The following ARMC9 variants were observed in gnomAD, a reference collection of about 807,000 sequenced individuals.
The protein encoded by ARMC9 is armadillo repeat containing 9.
ARMC9 carries 94 observed loss-of-function variants against 107.0 expected under a neutral mutation model. The observed-to-expected ratio is 0.88, with a 90% CI of 0.74 to 1.04. The LOEUF (loss-of-function observed/expected upper bound fraction) is 1.04, where lower values mean the gene tolerates loss of function less well. Ranked by LOEUF, ARMC9 falls within the 50% of genes least tolerant of loss-of-function variation. The pLI is 0.00. For missense variants in ARMC9, 942 were observed against 1,030.1 expected (o/e 0.91, Z 1.17); for synonymous variants, 380 against 396.9 (o/e 0.96, Z 0.51).
At chr2:231,368,703 C>T (rs1042383862) in intron 23 of ARMC9, among the ~76,000 whole-genome samples, 2 of 152,352 alleles carry the variant, frequency 1.3e-5, no homozygotes, top group South Asian at 4.1e-4. Flanking sequence ...AAGCTCACTG[C>T]AGCCTTGACC....
chr2:231,204,176 G>GAAAAA (rs5839392), intron 1 of ARMC9, among the ~76,000 whole-genome samples: 1 of 98,306 alleles, frequency 1.0e-5, no homozygotes, highest in Non-Finnish European at 2.1e-5. Flanking sequence ...TCTGTCTCAG[G>GAAAAA]AAAAAAAAAA....
chr2:231,249,619 A>C (rs535775622), intron 9 of ARMC9, among the ~76,000 whole-genome samples: 1 of 152,084 alleles, frequency 6.6e-6, no homozygotes, highest in Non-Finnish European at 1.5e-5. Context: ...AGCTTGGCTT[A>C]GGTAGGCATT....
In ARMC9 at chr2:231,242,453, G is replaced by A. The variant is rs560965101; in HGVS notation, c.879+2412G>A. Among the ~76,000 whole-genome samples, 26 of 152,222 alleles carry A rather than the reference G, an allele frequency of 1.7e-4. 1 individual carries two copies. In the South Asian group the frequency reaches 5.2e-3, roughly 30 times the overall value. On this transcript the variant is annotated intron_variant, in intron 9 of 24. Coordinates refer to ENST00000611582, the MANE Select transcript of ARMC9 (RefSeq NM_001352754.2). ...CTTAGAGAATCAGCCATTTTTAAAA[G>A]GTCAGTAAAGTCACCATTGGATATG... is the stretch of plus-strand genomic sequence containing the variant.
In ARMC9 at chr2:231,212,606, T is replaced by A. The variant is rs182649298; in HGVS notation, c.178-2225T>A. On this transcript the variant is annotated intron_variant, in intron 3 of 24. Coordinates refer to ENST00000611582, the MANE Select transcript of ARMC9 (RefSeq NM_001352754.2). ...GGCCCCCTCAGGAATGGGCACTGGG[T>A]TTGCTTGGGACCTTGGCAGAGGCAA... 3.0e-4 allele frequency among the ~76,000 whole-genome samples: 45 copies of A among 152,348 alleles called. No homozygotes were observed. In the East Asian group the frequency reaches 7.5e-3, roughly 25 times the overall value.
intron 3 of ARMC9, among the ~76,000 whole-genome samples, chr2:231,214,345 C>T (rs1198503292): frequency 6.6e-6 from 1 of 152,206 alleles, no homozygotes; most frequent in African/African-American, 2.4e-5. Flanking sequence ...ATCTCCTAGG[C>T]CCAGGATTGA....
chr2:231,376,223 G>A lies in ARMC9; in HGVS notation c.*4688G>A, dbSNP rs2046192526. ...ATGAAATCTGAGCACCTTGAAAAAA[G>A]AACAGGGTAACAGCAATTGTTCAGG... On this transcript the variant is annotated 3_prime_UTR_variant, in exon 25 of 25. Transcript: ENST00000611582. 6.6e-6 allele frequency among the ~76,000 whole-genome samples: 1 copy of A among 152,162 alleles called. No individual in the cohort carries two copies.
chr2:231,308,521 G>A (rs1475038777), intron 19 of ARMC9, among the ~76,000 whole-genome samples: 1 of 152,108 alleles, frequency 6.6e-6, no homozygotes, highest in African/African-American at 2.4e-5. Flanking sequence ...ACCAAAGGCT[G>A]GTAACCTTGG....
At chr2:231,248,833 A>AAG (rs1189483942) in intron 9 of ARMC9, among the ~76,000 whole-genome samples, 2 of 145,156 alleles carry the variant, frequency 1.4e-5, no homozygotes, top group African/African-American at 5.1e-5. Flanking sequence ...AAAAAAAAAA[A>AAG]GCTGGCCATA....
chr2:231,250,347 C>T (rs1002000459), intron 9 of ARMC9, among the ~76,000 whole-genome samples: 1 of 152,112 alleles, frequency 6.6e-6, no homozygotes, highest in Non-Finnish European at 1.5e-5. Flanking sequence ...CATTCTTGGC[C>T]GTCCTCCATT....
rs1004866000 is a variant in ARMC9, at chr2:231,235,306, G to C, written c.705G>C (p.Gln235His). The C allele has an allele frequency of 1.2e-6, 2 of 1,614,116 alleles. No individual in the cohort carries two copies. Among genetic ancestry groups the C allele is most frequent in the African/African-American group, 2.7e-5 (2 of 74,942 alleles). ...VTYLKRYNKI[Q>H]ADYHNLIGVT... ...ACCTCAAACGGTACAATAAGATCCA[G>C]GCCGACTACCACAATCTCATTGGAG... Residue 235 changes from glutamine (Q) to histidine (H), a missense_variant, in exon 8 of 25, where the codon CAG becomes CAC. Physicochemically the swap from Gln to His is conservative, Grantham distance 24 (BLOSUM62 0). Transcript: ENST00000611582.
chr2:231,275,516 G>T (rs1241033640), intron 14 of ARMC9, among the ~76,000 whole-genome samples: 1 of 152,146 alleles, frequency 6.6e-6, no homozygotes, highest in African/African-American at 2.4e-5. Context: ...CTTATAATTT[G>T]CATTAACCAG....
At chr2:231,356,049 C>A in intron 22 of ARMC9, 115 bp downstream of exon 22, 1 of 1,325,580 alleles carries the variant, frequency 7.5e-7, no homozygotes, top group Non-Finnish European at 1.0e-6. Context: ...CCTCTGGTCT[C>A]AGCAACAGCC....
chr2:231,216,777 T>A lies in ARMC9; in HGVS notation c.488T>A (p.Phe163Tyr), dbSNP rs1157757818. The A allele has an allele frequency of 7.4e-6, 12 of 1,612,636 alleles. No individual in the cohort carries two copies. In the Admixed American group the frequency reaches 1.7e-4, roughly 23 times the overall value. ...CCCAACCCTATGGTGCACCCCTCATTTAAAGAACTCTTCCAGGTAAATGTC... is the reference window on the plus strand; with the variant it reads ...CCCAACCCTATGGTGCACCCCTCATATAAAGAACTCTTCCAGGTAAATGTC... ...FVPNPMVHPS[F>Y]KELFQDSWTP... Residue 163 changes from phenylalanine (F) to tyrosine (Y), a missense_variant, in exon 5 of 25, where the codon TTT (phenylalanine) becomes TAT (tyrosine). Phe to Tyr is a conservative substitution (Grantham distance 22, BLOSUM62 3). Transcript: ENST00000611582.
At chr2:231,371,254 G>C (rs2046009211) in intron 24 of ARMC9, among the ~76,000 whole-genome samples, 1 of 152,248 alleles carries the variant, frequency 6.6e-6, no homozygotes, top group Admixed American at 6.5e-5. Flanking sequence ...AGCCAGCCAT[G>C]GGCGTTGTGT....
At chr2:231,302,437 G>GTTTTTTTTTTTTTTTTTTTTTT (rs56032700) in intron 19 of ARMC9, among the ~76,000 whole-genome samples, 1 of 58,072 alleles carries the variant, frequency 1.7e-5, no homozygotes, top group Non-Finnish European at 3.3e-5. Flanking sequence ...TTGTGGGTTT[G>GTTTTTTTTTTTTTTTTTTTTTT]TTTTTTTTTT....
chr2:231,296,742 A>G (rs1466391814), intron 19 of ARMC9, among the ~76,000 whole-genome samples: 1 of 152,160 alleles, frequency 6.6e-6, no homozygotes, highest in African/African-American at 2.4e-5. Flanking sequence ...TGAAAAATCT[A>G]CTTGCCTGGT....
intron 8 of ARMC9, among the ~76,000 whole-genome samples, chr2:231,238,817 A>G (rs899716225): frequency 3.3e-5 from 5 of 152,250 alleles, no homozygotes; most frequent in Non-Finnish European, 7.3e-5. Context: ...CCTCTGCCAC[A>G]GGATGGACAG....
At chr2:231,351,557 T>C (rs2045082570) in intron 21 of ARMC9, among the ~76,000 whole-genome samples, 1 of 152,154 alleles carries the variant, frequency 6.6e-6, no homozygotes, top group Non-Finnish European at 1.5e-5. Context: ...TTACATTTAG[T>C]ATAGTTTTTT....
intron 17 of ARMC9, among the ~76,000 whole-genome samples, chr2:231,282,920 T>C (rs190242936): frequency 2.7e-4 from 41 of 152,300 alleles, no homozygotes; most frequent in African/African-American, 9.1e-4. Context: ...TTCTGCGTTA[T>C]GGTCATTTAG....
Sources: gnomAD v4.1 joint callset for allele counts (sites outside exome capture counted in the v4.1 genomes callset) on GRCh38, gnomAD v4.1.1 for gene constraint, MANE v1.5 for transcripts, NCBI Gene and HGNC (gene_info 2026-07-23, HGNC 2026-07-21) for gene names.